The following MRTFB variants were observed in gnomAD, a reference collection of about 807,000 sequenced individuals.
MRTFB encodes the protein myocardin related transcription factor B.
A neutral mutation model predicts 104.2 loss-of-function variants in MRTFB; 29 were observed. That is an observed-to-expected ratio of 0.28 (90% CI 0.21 to 0.38). MRTFB has a LOEUF of 0.38. Ranked by LOEUF, MRTFB falls within the 10% of genes least tolerant of loss-of-function variation. The probability of loss-of-function intolerance (pLI) is 1.00; values close to 1 mark genes in which losing one functional copy is unlikely to be tolerated. For synonymous variants in MRTFB, 535 were observed against 519.5 expected, an observed-to-expected ratio of 1.03 and a Z score of -0.41; for missense variants, 1,270 against 1,341.6, an observed-to-expected ratio of 0.95 and a Z score of 0.83.
At chr16:14,187,068 C>A in intron 3 of MRTFB, 1 of 1,558,958 alleles carries the variant, frequency 6.4e-7, no homozygotes, top group Non-Finnish European at 8.7e-7. Context: ...GCAAAACTGC[C>A]AAATTCATAT....
chr16:14,019,927 T>C, the MRTFB span, among the ~76,000 whole-genome samples: 6 of 152,224 alleles, frequency 3.9e-5, no homozygotes, highest in Non-Finnish European at 8.8e-5. Flanking sequence ...TCAGTCTTAA[T>C]TGATTGCGGT....
chr16:14,110,327 G>A (rs984233379), intron 2 of MRTFB, among the ~76,000 whole-genome samples: 1 of 152,196 alleles, frequency 6.6e-6, no homozygotes, highest in Admixed American at 6.5e-5. Context: ...TTAGGCCTTG[G>A]GTCAGGGTGG....
At chr16:14,066,793 T>G (rs143461628), upstream of MRTFB, among the ~76,000 whole-genome samples, 1 of 151,910 alleles carries the variant, frequency 6.6e-6, no homozygotes, top group East Asian at 2.0e-4. Context: ...CCTCACCAGT[T>G]GCTAGTACTA....
intron 3 of MRTFB, among the ~76,000 whole-genome samples, chr16:14,155,717 A>C (rs1289610640): frequency 2.0e-5 from 3 of 152,130 alleles, no homozygotes; most frequent in African/African-American, 7.2e-5. Flanking sequence ...TAAGTGCCCC[A>C]GGGAGGACAT....
chr16:14,080,915 A>G (rs573980319), intron 2 of MRTFB, among the ~76,000 whole-genome samples: 5 of 152,308 alleles, frequency 3.3e-5, no homozygotes, highest in South Asian at 4.1e-4. Flanking sequence ...GTTGATGGAC[A>G]CTTAGGTTGC....
At chr16:14,085,298 A>T (rs1004811519) in intron 2 of MRTFB, among the ~76,000 whole-genome samples, 3 of 151,948 alleles carry the variant, frequency 2.0e-5, no homozygotes, top group African/African-American at 7.3e-5. Context: ...TCTACTAAAA[A>T]TACAAAAAAT....
intron 2 of MRTFB, among the ~76,000 whole-genome samples, chr16:14,108,631 T>TTC (rs982838939): frequency 9.8e-5 from 15 of 152,356 alleles, no homozygotes; most frequent in Admixed American, 5.9e-4. Context: ...AGGAGGTTAC[T>TTC]TCTCTCTCCC....
At chr16:14,072,910 A>AC (rs1367940705) in intron 1 of MRTFB, among the ~76,000 whole-genome samples, 3 of 152,188 alleles carry the variant, frequency 2.0e-5, no homozygotes, top group African/African-American at 7.2e-5. Context: ...ACTCGAAGGG[A>AC]CAATACTGGC....
intron 2 of MRTFB, among the ~76,000 whole-genome samples, chr16:14,129,902 C>G (rs549253945): frequency 1.3e-5 from 2 of 152,318 alleles, no homozygotes; most frequent in East Asian, 3.9e-4. Flanking sequence ...GATCTCCCCT[C>G]ACTGCAACCT....
At chr16:14,209,196 G>T (rs1431871638) in intron 3 of MRTFB, among the ~76,000 whole-genome samples, 3 of 152,184 alleles carry the variant, frequency 2.0e-5, no homozygotes, top group Non-Finnish European at 2.9e-5. Flanking sequence ...GAGACACCAC[G>T]TGCACTGCAT....
chr16:14,005,296 T>A, the MRTFB span, among the ~76,000 whole-genome samples: 6 of 152,306 alleles, frequency 3.9e-5, no homozygotes, highest in Middle Eastern at 3.4e-3. Flanking sequence ...AGGAAGGAAG[T>A]TGAGGCTCTT....
chr16:14,104,556 G>C (rs1055896228), intron 2 of MRTFB, among the ~76,000 whole-genome samples: 13 of 152,102 alleles, frequency 8.5e-5, no homozygotes, highest in African/African-American at 3.1e-4. Context: ...CTATTTGAAG[G>C]CTTCATTATT....
At chr16:14,101,644 G>C (rs1281230924) in intron 2 of MRTFB, among the ~76,000 whole-genome samples, 1 of 152,126 alleles carries the variant, frequency 6.6e-6, no homozygotes, top group Non-Finnish European at 1.5e-5. Context: ...AGCTGTAATA[G>C]TTTTGGCAAG....
chr16:14,054,705 G>T, the MRTFB span, among the ~76,000 whole-genome samples: 1 of 152,128 alleles, frequency 6.6e-6, no homozygotes, highest in African/African-American at 2.4e-5. Context: ...ATGTCTGTAG[G>T]TTCACCTTTA....
intron 3 of MRTFB, among the ~76,000 whole-genome samples, chr16:14,175,610 G>A (rs1187495676): frequency 6.6e-6 from 1 of 152,104 alleles, no homozygotes; most frequent in Non-Finnish European, 1.5e-5. Context: ...ACATGGCCAA[G>A]TCTTTACACA....
chr16:14,049,541 A>G, the MRTFB span, among the ~76,000 whole-genome samples: 2 of 152,228 alleles, frequency 1.3e-5, no homozygotes, highest in Non-Finnish European at 2.9e-5. Flanking sequence ...AATAAATGCA[A>G]TATGATTGCG....
At chr16:14,080,701 C>A (rs556073388) in intron 2 of MRTFB, among the ~76,000 whole-genome samples, 5 of 152,282 alleles carry the variant, frequency 3.3e-5, no homozygotes, top group Admixed American at 2.0e-4. Flanking sequence ...ATTCTACTCT[C>A]TTCTTGTATG....
chr16:14,151,003 T>G (rs2038587908), intron 3 of MRTFB: 1 of 152,162 alleles, frequency 6.6e-6, no homozygotes, highest in African/African-American at 2.4e-5. Flanking sequence ...TATGTGCAAT[T>G]TCCTGGAGAG....
At position 14,261,672 on chromosome 16, in the gene MRTFB, C is replaced by A. The variant is rs1196490203; in HGVS notation, c.*228C>A. The A allele has an allele frequency of 4.3e-6, 2 of 466,652 alleles. No individual in the cohort carries two copies. Among genetic ancestry groups the A allele is most frequent in the Non-Finnish European group, 7.5e-6 (2 of 267,638 alleles). The allele number at this position is 466,652 out of a possible 1,614,324, so 28.9% of individuals were successfully genotyped here. On this transcript the variant is annotated 3_prime_UTR_variant, in exon 17 of 17. Coordinates refer to ENST00000571589, the MANE Select transcript of MRTFB (RefSeq NM_001308142.2). ...AGCACAGGGCCTTCTGAAAATCGCA[C>A]TTGTCAAAGACGACTCATCTATTTC...
Sources: gnomAD v4.1 joint callset for allele counts (sites outside exome capture counted in the v4.1 genomes callset) on GRCh38, gnomAD v4.1.1 for gene constraint, MANE v1.5 for transcripts, NCBI Gene and HGNC (gene_info 2026-07-23, HGNC 2026-07-21) for gene names.